KLHL14: variants seen among roughly 807,000 people sequenced by gnomAD.
The protein encoded by KLHL14 is kelch like family member 14, also known as kelch-like protein 14.
Under a neutral mutation model 64.3 loss-of-function variants are expected in KLHL14, and 22 were observed. The observed-to-expected ratio is 0.34, with a 90% confidence interval of 0.24 to 0.49. The LOEUF (loss-of-function observed/expected upper bound fraction) is 0.49. KLHL14 is among the 20% of genes least tolerant of loss of function. The pLI, the probability that KLHL14 is intolerant of heterozygous loss-of-function variation, is 0.99. For missense variants in KLHL14, 661 were observed against 789.0 expected (o/e 0.84, Z 1.94); for synonymous variants, 322 against 333.4 (o/e 0.97, Z 0.37).
chr18:32,704,039 C>A (rs1483502636), intron 3 of KLHL14, among the ~76,000 whole-genome samples: 1 of 152,070 alleles, frequency 6.6e-6, no homozygotes. Flanking sequence ...AAGTATCATT[C>A]TCATACTTTT....
chr18:32,763,932 A>G (rs1343635061), intron 2 of KLHL14, among the ~76,000 whole-genome samples: 1 of 152,190 alleles, frequency 6.6e-6, no homozygotes. Flanking sequence ...ACAATGGGGT[A>G]AGTATTTCTC....
intron 4 of KLHL14, among the ~76,000 whole-genome samples, chr18:32,693,206 G>A (rs2049916968): frequency 6.6e-6 from 1 of 152,090 alleles, no homozygotes; most frequent in Non-Finnish European, 1.5e-5. Flanking sequence ...GCAAAAGGCT[G>A]GCCTGCTTGC....
chr18:32,683,181 C>T lies in KLHL14; in HGVS notation c.1239-2582G>A, dbSNP rs2049851573. Reference sequence around the variant, plus strand: ...TGACACCTGGTCAGCCTGTCAGAACCTGCTCTCTTTTCTAGCCAAGGCGTT... The same window carrying T: ...TGACACCTGGTCAGCCTGTCAGAACTTGCTCTCTTTTCTAGCCAAGGCGTT... On this transcript the variant is annotated intron_variant, in intron 5 of 8. Transcript: ENST00000359358. This position sits in a 1 kb window ranked among gnomAD's most constrained non-coding sequence, Gnocchi z 4.2. Among the ~76,000 whole-genome samples the T allele has an allele frequency of 6.6e-6, 1 of 152,122 alleles. No homozygotes were observed. The highest frequency in any genetic ancestry group is 6.5e-5 in the Admixed American group (1 of 15,270).
In KLHL14 at chr18:32,770,544, G is replaced by A. The variant is rs759057715; in HGVS notation, c.48C>T (p.Ser16=). The A allele has an allele frequency of 2.9e-5, 46 of 1,603,128 alleles. No homozygotes were observed. The highest frequency in any genetic ancestry group is 3.7e-5 in the Non-Finnish European group (43 of 1,177,854). ...GGTTGAGGCCGTGCAGCAGGTTGTC[G>A]CTGTGGCTGGGGTCGAAGGTGGAGG... The part of the protein sequence containing the change: ...DRTSTFDPSH[S]DNLLHGLNLL... Residue 16 remains serine, a synonymous_variant, in exon 2 of 9, where the codon AGC becomes AGT. Coordinates refer to ENST00000359358, the MANE Select transcript of KLHL14 (RefSeq NM_020805.3). This position sits in a 1 kb window ranked among gnomAD's most constrained non-coding sequence, Gnocchi z 6.7.
chr18:32,770,160 C>T lies in KLHL14; in HGVS notation c.432G>A (p.Thr144=), dbSNP rs2050372212. The T allele has an allele frequency of 4.3e-6, 7 of 1,614,014 alleles. No homozygotes were observed. Among genetic ancestry groups the T allele is most frequent in the African/African-American group, 1.3e-5 (1 of 75,036 alleles). The part of the protein sequence containing the change: ...GLRLVLEYLY[T]ANVTLSLDTV... ...TGTCCAGGGACAGGGTCACGTTGGC[C>T]GTGTAGAGGTACTCGAGCACCAGGC... Residue 144 remains threonine, a synonymous_variant, in exon 2 of 9, where the codon ACG becomes ACA. Coordinates refer to ENST00000359358, the MANE Select transcript of KLHL14 (RefSeq NM_020805.3). The surrounding 1 kb of genome is among the most constrained non-coding windows in gnomAD (Gnocchi z 6.7).
intron 2 of KLHL14, among the ~76,000 whole-genome samples, chr18:32,747,059 T>G (rs1373716571): frequency 6.6e-6 from 1 of 152,228 alleles, no homozygotes; most frequent in East Asian, 1.9e-4. Context: ...TAATTATTAT[T>G]ATCTATTTGG....
intron 3 of KLHL14, among the ~76,000 whole-genome samples, chr18:32,698,444 G>C (rs191044169): frequency 6.6e-6 from 1 of 152,286 alleles, no homozygotes; most frequent in East Asian, 1.9e-4. Flanking sequence ...TGATCCATCA[G>C]CCACTGTGAA....
chr18:32,677,052 G>A, intron 8 of KLHL14, 121 bp downstream of exon 8: 3 of 1,072,006 alleles, frequency 2.8e-6, no homozygotes, highest in Non-Finnish European at 4.1e-6. Context: ...GCAACTGACT[G>A]CTTGCATGTA....
intron 2 of KLHL14, among the ~76,000 whole-genome samples, chr18:32,757,633 A>G (rs2050288715): frequency 6.6e-6 from 1 of 152,228 alleles, no homozygotes; most frequent in Non-Finnish European, 1.5e-5. Flanking sequence ...CATTGCTTGA[A>G]AAAAATATTT....
chr18:32,730,634 G>A (rs1350383793), intron 3 of KLHL14, among the ~76,000 whole-genome samples: 1 of 152,190 alleles, frequency 6.6e-6, no homozygotes, highest in Non-Finnish European at 1.5e-5. Context: ...GTGAGACCAT[G>A]CATAAAGCAT....
At chr18:32,724,032 T>G (rs1383154037) in intron 3 of KLHL14, among the ~76,000 whole-genome samples, 1 of 152,090 alleles carries the variant, frequency 6.6e-6, no homozygotes, top group African/African-American at 2.4e-5. Flanking sequence ...TAAATCCAGT[T>G]GGAAAAAAAA....
At position 32,770,384 on chromosome 18, in the gene KLHL14, C is replaced by T. The variant is rs1365318310; in HGVS notation, c.208G>A (p.Gly70Arg). ...AGGCCGTCCTGGCCGCCGACCCCTC[C>T]CCCGAGAGGGGGGTGGCTGGAGAAG... ...SLFSSHPPLG[G>R]GVGGQDGLGA... The change falls in exon 2 of 9, where the codon GGA becomes AGA. Residue 70 changes from glycine to arginine, a missense_variant. This residue lies in a region of KLHL14 where 331 missense variants were observed against 339.0 expected (regional missense o/e 0.98). Transcript: ENST00000359358. This position sits in a 1 kb window ranked among gnomAD's most constrained non-coding sequence, Gnocchi z 6.7. 5 of 1,593,174 alleles carry T rather than the reference C, an allele frequency of 3.1e-6. No individual in the cohort carries two copies. The highest frequency in any genetic ancestry group is 4.3e-6 in the Non-Finnish European group (5 of 1,168,788).
chr18:32,734,005 A>T (rs1470444056), intron 3 of KLHL14: 4 of 601,392 alleles, frequency 6.7e-6, no homozygotes, highest in Non-Finnish European at 1.2e-5. Flanking sequence ...TGATGTTGGG[A>T]TGACTATTCT....
At chr18:32,701,341 G>A (rs1257218814) in intron 3 of KLHL14, among the ~76,000 whole-genome samples, 1 of 152,176 alleles carries the variant, frequency 6.6e-6, no homozygotes, top group Admixed American at 6.5e-5. Flanking sequence ...GGTGATGACA[G>A]ATGACATAAA....
In KLHL14 at chr18:32,680,122, G is replaced by C. The variant is rs779919357; in HGVS notation, c.1588+47C>G. 1 of 1,577,458 alleles carries C rather than the reference G, an allele frequency of 6.3e-7. No individual in the cohort carries two copies. The highest frequency in any genetic ancestry group is 1.7e-5 in the Admixed American group (1 of 58,634). On this transcript the variant is annotated intron_variant, in intron 7 of 8. Coordinates refer to ENST00000359358, the MANE Select transcript of KLHL14 (RefSeq NM_020805.3). This position sits in a 1 kb window ranked among gnomAD's most constrained non-coding sequence, Gnocchi z 4.8. ...GAAACCCCCTTAGCGAGAAATATGA[G>C]GTGCAAATGTTATTGTGACTAAAAA...
intron 5 of KLHL14, among the ~76,000 whole-genome samples, chr18:32,682,897 ACAATGCATTTTC>A (rs2049849724): frequency 6.6e-6 from 1 of 152,180 alleles, no homozygotes; most frequent in African/African-American, 2.4e-5. Context: ...GGCCTCTGAA[ACAATGCATTTTC>A]TTATTTCACT....
At chr18:32,730,026 A>G (rs1007912560) in intron 3 of KLHL14, among the ~76,000 whole-genome samples, 2 of 152,224 alleles carry the variant, frequency 1.3e-5, no homozygotes, top group South Asian at 2.1e-4. Flanking sequence ...TGAATGGTCT[A>G]TTGTTTTCAT....
At chr18:32,693,413 C>CACAGAGAGAGAGAGAG (rs1229737083) in intron 4 of KLHL14, among the ~76,000 whole-genome samples, 18 of 97,032 alleles carry the variant, frequency 1.9e-4, no homozygotes, top group African/African-American at 7.3e-4. Flanking sequence ...CACACACACA[C>CACAGAGAGAGAGAGAG]AGAGAGAGAG....
intron 1 of KLHL14, among the ~76,000 whole-genome samples, chr18:32,771,852 C>A (rs1175026220): frequency 6.6e-6 from 1 of 151,978 alleles, no homozygotes; most frequent in Non-Finnish European, 1.5e-5. Context: ...CACCCAGCAT[C>A]GTCGCCTGCA....
Sources: gnomAD v4.1 joint callset for allele counts (sites outside exome capture counted in the v4.1 genomes callset) on GRCh38, gnomAD v4.1.1 for gene constraint, gnomAD v4.1.1 regional missense constraint, Gnocchi (gnomAD v3.1) non-coding constraint, MANE v1.5 for transcripts, NCBI Gene and HGNC (gene_info 2026-07-23, HGNC 2026-07-21) for gene names.